FBXW4: variants seen among roughly 807,000 people sequenced by gnomAD.
FBXW4 encodes the protein F-box and WD repeat domain containing 4.
In FBXW4, 40 loss-of-function variants were observed where a neutral mutation model predicts 61.8. The observed-to-expected ratio is 0.65, with a 90% CI of 0.50 to 0.84. The LOEUF is 0.84. Among genes scored for constraint, FBXW4 ranks in the 40% least tolerant of loss-of-function variants. FBXW4 has a pLI of 0.00. For missense variants in FBXW4, 672 were observed against 753.8 expected (o/e 0.89, Z 1.27); for synonymous variants, 311 against 313.8 (o/e 0.99, Z 0.10).
At chr10:101,626,728 T>G (rs1564905517) in intron 5 of FBXW4, 1 of 152,426 alleles carries the variant, frequency 6.6e-6, no homozygotes, top group Non-Finnish European at 1.5e-5. Context: ...GACCTCGTGA[T>G]CCGCCCACCT....
intron 4 of FBXW4, among the ~76,000 whole-genome samples, chr10:101,670,234 A>G (rs1477582603): frequency 6.6e-6 from 1 of 152,270 alleles, no homozygotes; most frequent in Non-Finnish European, 1.5e-5. Flanking sequence ...ATGCAATTGC[A>G]GAGAAAGCAT....
At chr10:101,628,004 G>A (rs182904413) in intron 5 of FBXW4, 62 of 985,206 alleles carry the variant, frequency 6.3e-5, no homozygotes, top group Non-Finnish European at 7.1e-5. Flanking sequence ...TTGAATCCGC[G>A]AGATGTCTTC....
intron 1 of FBXW4, among the ~76,000 whole-genome samples, chr10:101,686,336 T>C (rs1029745837): frequency 1.1e-4 from 17 of 152,174 alleles, no homozygotes; most frequent in African/African-American, 3.6e-4. Context: ...CCAATGGACA[T>C]TGTGATCCCC....
chr10:101,630,089 C>T lies in FBXW4; in HGVS notation c.1236-5279G>A, dbSNP rs896332010. 4.6e-5 allele frequency among the ~76,000 whole-genome samples: 7 copies of T among 152,138 alleles called. 1 individual carries two copies. In the South Asian group the frequency reaches 6.2e-4, roughly 14 times the overall value. ...CAAGTGTATTCAGTTCTCTTCAACC[C>T]GCATTGGCATTTTAATTACTGTTGG... On this transcript the variant is annotated intron_variant, in intron 5 of 8. Transcript: ENST00000331272.
rs555681797 is a variant in FBXW4, at chr10:101,637,350, C to T, written c.1236-12540G>A. The stretch of plus-strand genomic sequence containing the variant: ...GAGCTTGCAGTGAGCCGAGATCGTG[C>T]CACTGCACTCCAGCCTGGGCGACAG... On this transcript the variant is annotated intron_variant, in intron 5 of 8. Transcript: ENST00000331272. 1.6e-4 allele frequency among the ~76,000 whole-genome samples: 23 copies of T among 141,610 alleles called. No individual in the cohort carries two copies. The South Asian group carries it at 5.0e-3, about 31-fold the overall frequency. 92.9% of individuals were successfully genotyped at this position (141,610 alleles called of 152,430 possible).
At chr10:101,642,920 A>T (rs991430788) in intron 5 of FBXW4, among the ~76,000 whole-genome samples, 1 of 152,216 alleles carries the variant, frequency 6.6e-6, no homozygotes, top group Non-Finnish European at 1.5e-5. Flanking sequence ...GGGTACGCAC[A>T]TACATACATA....
Position 101,611,008 on chromosome 10 carries a change from C to T in FBXW4, c.*283G>A. The stretch of plus-strand genomic sequence containing the variant: ...GGGTATAGGATGGGCCTCTCCAGGC[C>T]AGATCCTTGCTCTGGCCAAACAGGG... On this transcript the variant is annotated 3_prime_UTR_variant, in exon 9 of 9. Coordinates refer to ENST00000331272, the MANE Select transcript of FBXW4 (RefSeq NM_022039.4). The surrounding 1 kb of genome is among the most constrained non-coding windows in gnomAD (Gnocchi z 4.9). 3.1e-6 allele frequency: 1 copy of T among 320,702 alleles called. No individual in the cohort carries two copies. The allele number at this position is 320,702 out of a possible 1,614,324, so 19.9% of individuals were successfully genotyped here. A position where few individuals can be genotyped will look rare whatever the true frequency, so the allele number is the denominator to read the frequency against.
At chr10:101,613,225 G>T (rs776909222) in intron 6 of FBXW4, 3 of 152,232 alleles carry the variant, frequency 2.0e-5, no homozygotes, top group Non-Finnish European at 2.9e-5. Context: ...CTCCGTGACC[G>T]CGGCAGTGGG....
chr10:101,680,860 A>T (rs1333557353), intron 1 of FBXW4, among the ~76,000 whole-genome samples: 1 of 152,192 alleles, frequency 6.6e-6, no homozygotes, highest in Non-Finnish European at 1.5e-5. Context: ...TTTTACAAAG[A>T]TATTTATAGC....
At chr10:101,630,698 T>G (rs1420290011) in intron 5 of FBXW4, among the ~76,000 whole-genome samples, 1 of 151,596 alleles carries the variant, frequency 6.6e-6, no homozygotes, top group Non-Finnish European at 1.5e-5. Context: ...TCAACAGAAG[T>G]CAGGAAGGGG....
intron 5 of FBXW4, among the ~76,000 whole-genome samples, chr10:101,639,700 A>T (rs1171313917): frequency 6.6e-6 from 1 of 152,216 alleles, no homozygotes; most frequent in Non-Finnish European, 1.5e-5. Flanking sequence ...ATGAGCTGCC[A>T]AACTCAGGAG....
chr10:101,676,255 T>G, intron 2 of FBXW4, 86 bp downstream of exon 2: 1 of 914,340 alleles, frequency 1.1e-6, no homozygotes. Context: ...GATAGCCCCA[T>G]TAGCCTCTAT....
intron 5 of FBXW4, among the ~76,000 whole-genome samples, chr10:101,657,839 T>G (rs1467839875): frequency 6.6e-6 from 1 of 152,114 alleles, no homozygotes; most frequent in Non-Finnish European, 1.5e-5. Flanking sequence ...TGTGTAAAAT[T>G]CTAGTCAGCA....
chr10:101,681,188 G>A (rs1474356249), intron 1 of FBXW4, among the ~76,000 whole-genome samples: 1 of 151,408 alleles, frequency 6.6e-6, no homozygotes, highest in Non-Finnish European at 1.5e-5. Context: ...AGGAGTTTGA[G>A]ACCAGCCTGG....
rs1479600830 is a variant in FBXW4, at chr10:101,694,986, C to T, written c.120G>A (p.Lys40=). 3.5e-6 allele frequency: 4 copies of T among 1,157,342 alleles called. No homozygotes were observed. Among genetic ancestry groups the T allele is most frequent in the Non-Finnish European group, 4.3e-6 (4 of 939,036 alleles). 71.7% of individuals were successfully genotyped at this position (1,157,342 alleles called of 1,614,324 possible). A position where few individuals can be genotyped will look rare whatever the true frequency, so the allele number is the denominator to read the frequency against. Residue 40 remains lysine, a synonymous_variant, in exon 1 of 9, where the codon AAG becomes AAA. Coordinates refer to ENST00000331272, the MANE Select transcript of FBXW4 (RefSeq NM_022039.4). The surrounding 1 kb of genome is among the most constrained non-coding windows in gnomAD (Gnocchi z 6.0). The stretch of plus-strand genomic sequence containing the variant: ...GCCCCGCTCTCGCTTTTCCCTTCCC[C>T]TTCCCCTTCCTTCGCTTCCCCCTCG... ...RVARGKRRKG[K]GKGKARAGQG...
intron 6 of FBXW4, among the ~76,000 whole-genome samples, 162 bp downstream of exon 6, chr10:101,624,583 C>A (rs2063892705): frequency 6.6e-6 from 1 of 152,200 alleles, no homozygotes; most frequent in Non-Finnish European, 1.5e-5. Context: ...TCCAGCTAAC[C>A]CTGAATGATT....
intron 4 of FBXW4, 40 bp from the exon 5 acceptor site, chr10:101,668,020 G>T: frequency 6.7e-7 from 1 of 1,500,160 alleles, no homozygotes; most frequent in East Asian, 2.3e-5. Context: ...GGCATTGCCT[G>T]GGATCAGTGG....
At chr10:101,659,481 T>A in intron 5 of FBXW4, 3 of 969,626 alleles carry the variant, frequency 3.1e-6, no homozygotes, top group Non-Finnish European at 3.7e-6. Flanking sequence ...AGAAGAAAGC[T>A]ACCTAGAGAC....
chr10:101,653,593 C>T (rs919997832), intron 5 of FBXW4, among the ~76,000 whole-genome samples: 5 of 152,196 alleles, frequency 3.3e-5, no homozygotes, highest in African/African-American at 4.8e-5. Context: ...TCCATGTCAT[C>T]CATGAAGCTC....
Sources: allele counts gnomAD v4.1 joint callset (sites outside exome capture counted in the v4.1 genomes callset), GRCh38; gene constraint gnomAD v4.1.1; non-coding constraint Gnocchi (gnomAD v3.1); transcripts MANE v1.5; gene names NCBI Gene and HGNC (gene_info 2026-07-23, HGNC 2026-07-21).